Variants in P2RY10 observed in about 807,000 individuals in gnomAD.
P2RY10 encodes putative P2Y purinoceptor 10.
A neutral mutation model predicts 12.1 loss-of-function variants in P2RY10; 4 were observed. That is an observed-to-expected ratio of 0.33 (90% CI 0.16 to 0.76). P2RY10 has a LOEUF of 0.76. Ranked by LOEUF, P2RY10 falls within the 30% of genes least tolerant of loss-of-function variation. P2RY10 has a pLI of 0.61. For synonymous variants in P2RY10, 112 were observed against 94.1 expected (o/e 1.19, Z -1.10); for missense variants, 233 against 264.6 (o/e 0.88, Z 0.83).
chrX:78,951,967 C>T (rs1424002912), intron 2 of P2RY10, among the ~76,000 whole-genome samples: 1 of 111,574 alleles, frequency 9.0e-6, no homozygotes, highest in Non-Finnish European at 1.9e-5. Context: ...ACCATGTGTC[C>T]ATGTGTTCCC....
At chrX:78,954,375 C>T (rs1376027083) in intron 3 of P2RY10, among the ~76,000 whole-genome samples, 1 of 111,417 alleles carries the variant, frequency 9.0e-6, no homozygotes, top group Non-Finnish European at 1.9e-5. Flanking sequence ...CCATGTTATC[C>T]TATTCACCAG....
chrX:78,959,215 G>A (rs1385358991), intron 3 of P2RY10, among the ~76,000 whole-genome samples: 1 of 111,134 alleles, frequency 9.0e-6, no homozygotes, highest in African/African-American at 3.3e-5. Context: ...TGAGGAGAAG[G>A]GTGTGCATGG....
At chrX:78,952,123 A>C in intron 2 of P2RY10, 70 bp from the exon 3 acceptor site, 2 of 483,406 alleles carry the variant, frequency 4.1e-6, no homozygotes, top group Non-Finnish European at 5.1e-6. Flanking sequence ...TATAGTATTT[A>C]GAGACACACT....
chrX:78,960,219 G>T (rs1390123232), intron 3 of P2RY10, among the ~76,000 whole-genome samples: 1 of 112,020 alleles, frequency 8.9e-6, no homozygotes, highest in Non-Finnish European at 1.9e-5. Flanking sequence ...TTTTTGCTGT[G>T]GTCAGAATAA....
Position 78,961,108 on chromosome X carries a change from C to A in P2RY10, c.588C>A (p.Val196=). ...GYKQMNAVAL[V]GMITVAELAG... is the part of the protein sequence containing the mutation. ...AGCAAATGAATGCAGTTGCGTTGGT[C>A]GGGATGATTACAGTTGCTGAGCTTG... Residue 196 remains valine (V), a synonymous_variant, in exon 4 of 4, where the codon GTC becomes GTA. Coordinates refer to ENST00000171757, the MANE Select transcript of P2RY10 (RefSeq NM_014499.4). The A allele has an allele frequency of 1.7e-6, 2 of 1,210,706 alleles. No individual in the cohort carries two copies. Among genetic ancestry groups the A allele is most frequent in the Non-Finnish European group, 2.2e-6 (2 of 894,947 alleles).
chrX:78,956,187 G>C (rs1224947526), intron 3 of P2RY10, among the ~76,000 whole-genome samples: 1 of 111,629 alleles, frequency 9.0e-6, no homozygotes, highest in Admixed American at 9.5e-5. Flanking sequence ...GACTGTGCTA[G>C]TTTCTACCCA....
At position 78,947,799 on chromosome X, in the gene P2RY10, A is replaced by T; in HGVS notation, c.-205-16A>T. 1.6e-6 allele frequency: 1 copy of T among 621,231 alleles called. No homozygotes were observed. Among genetic ancestry groups the T allele is most frequent in the Non-Finnish European group, 1.9e-6 (1 of 517,501 alleles). 51.2% of individuals were successfully genotyped at this position (621,231 alleles called of 1,213,427 possible). ...AACTGAGTATCCTTTCCCAATTGCC[A>T]TTATATTTCTTTCAGGTAATGTTAT... On this transcript the variant is annotated splice_polypyrimidine_tract_variant and intron_variant, in intron 1 of 3. Coordinates refer to ENST00000171757, the MANE Select transcript of P2RY10 (RefSeq NM_014499.4).
chrX:78,949,390 A>G (rs1277256748), intron 2 of P2RY10, among the ~76,000 whole-genome samples: 1 of 112,087 alleles, frequency 8.9e-6, no homozygotes, highest in Admixed American at 9.5e-5. Flanking sequence ...TTAATGCTCA[A>G]AACAAATTAT....
At chrX:78,957,387 C>CACACAGAGAG (rs760263078) in intron 3 of P2RY10, among the ~76,000 whole-genome samples, 4 of 75,811 alleles carry the variant, frequency 5.3e-5, no homozygotes, top group Admixed American at 1.5e-4. Flanking sequence ...CACACACACA[C>CACACAGAGAG]AGAGAGAGAG....
At position 78,961,973 on chromosome X, in the gene P2RY10, G is replaced by GGTAA. The variant is rs1922648709; in HGVS notation, c.*434_*437dup. Reference sequence around the variant, plus strand: ...GTAAAAATGTCTAATCTTTCTAACAGGTAAATTTTTCTAACAGGCAAGACA... The same window carrying GGTAA: ...GTAAAAATGTCTAATCTTTCTAACAGGTAAGTAAATTTTTCTAACAGGCAAGACA... On this transcript the variant is annotated 3_prime_UTR_variant, in exon 4 of 4. Transcript: ENST00000171757. The GGTAA allele has an allele frequency of 8.1e-6, 1 of 123,441 alleles. No homozygotes were observed. The highest frequency in any genetic ancestry group is 1.8e-5 in the Non-Finnish European group (1 of 54,835). The allele number at this position is 123,441 out of a possible 1,213,427, so 10.2% of individuals were successfully genotyped here.
intron 2 of P2RY10, among the ~76,000 whole-genome samples, chrX:78,951,678 T>C (rs1282688602): frequency 8.9e-6 from 1 of 111,843 alleles, no homozygotes; most frequent in African/African-American, 3.2e-5. Flanking sequence ...GGAGTTTTAG[T>C]CATAACTTTG....
At chrX:78,946,982 G>A (rs1023299373) in intron 1 of P2RY10, among the ~76,000 whole-genome samples, 2 of 111,771 alleles carry the variant, frequency 1.8e-5, no homozygotes, top group African/African-American at 3.3e-5. Context: ...GGGAGGCCGA[G>A]ACAGGTGGAT....
rs998922026 is a variant in P2RY10 at position 78,962,458 on chromosome X, C to T, written c.*918C>T. 1.8e-5 allele frequency among the ~76,000 whole-genome samples: 2 copies of T among 111,907 alleles called. No homozygotes were observed. The highest frequency in any genetic ancestry group is 3.8e-5 in the Non-Finnish European group (2 of 53,168). On this transcript the variant is annotated 3_prime_UTR_variant, in exon 4 of 4. Transcript: ENST00000171757. ...ACACCATATATGCTTATGTTATTCC[C>T]TTGCTTTTGTTGTTACATTTATTAG...
At position 78,961,163 on chromosome X, in the gene P2RY10, G is replaced by A. The variant is rs866573696; in HGVS notation, c.643G>A (p.Ala215Thr). The A allele has an allele frequency of 2.5e-6, 3 of 1,208,933 alleles. No individual in the cohort carries two copies. The highest frequency in any genetic ancestry group is 3.0e-5 in the East Asian group (1 of 33,752). ...ATTTGTGATCCCAGTGATCATCATCGCATGGTGTACCTGGAAAACTACTAT... is the reference window on the plus strand; with the variant it reads ...ATTTGTGATCCCAGTGATCATCATCACATGGTGTACCTGGAAAACTACTAT... ...AGFVIPVIII[A>T]WCTWKTTISL... is the part of the protein sequence containing the mutation. The change falls in exon 4 of 4, where the codon GCA becomes ACA. Residue 215 changes from alanine (A) to threonine (T), a missense_variant. Ala to Thr is a moderately conservative substitution (Grantham distance 58). Transcript: ENST00000171757.
chrX:78,957,044 G>A (rs1922365414), intron 3 of P2RY10, among the ~76,000 whole-genome samples: 1 of 110,425 alleles, frequency 9.1e-6, no homozygotes, highest in Non-Finnish European at 1.9e-5. Flanking sequence ...GGTGGAGATA[G>A]GTTAGAGAGG....
chrX:78,961,313 T>G lies in P2RY10; in HGVS notation c.793T>G (p.Phe265Val), dbSNP rs1569246143. Residue 265 changes from phenylalanine to valine, a missense_variant, in exon 4 of 4, where the codon TTT (phenylalanine) becomes GTT (valine). Physicochemically the swap from Phe to Val is conservative, Grantham distance 50. Transcript: ENST00000171757. ...CFTPYHINFI[F>V]YTMVKETIIS... ...CACTCCCTATCATATTAACTTTATT[T>G]TTTACACCATGGTAAAGGAAACCAT... 1 of 1,210,002 alleles carries G rather than the reference T, an allele frequency of 8.3e-7. No individual in the cohort carries two copies. Among genetic ancestry groups the G allele is most frequent in the Non-Finnish European group, 1.1e-6 (1 of 894,101 alleles).
At chrX:78,957,385 C>CAG (rs1281912666) in intron 3 of P2RY10, among the ~76,000 whole-genome samples, 42 of 81,912 alleles carry the variant, frequency 5.1e-4, no homozygotes, top group African/African-American at 1.4e-3. Flanking sequence ...CACACACACA[C>CAG]ACAGAGAGAG....
chrX:78,950,614 T>C (rs1301217360), intron 2 of P2RY10, among the ~76,000 whole-genome samples: 3 of 111,630 alleles, frequency 2.7e-5, no homozygotes, highest in Non-Finnish European at 5.6e-5. Flanking sequence ...ATAAAGAACG[T>C]TGGTTTTGAT....
chrX:78,959,282 T>A (rs184857701), intron 3 of P2RY10, among the ~76,000 whole-genome samples: 1 of 111,332 alleles, frequency 9.0e-6, no homozygotes, highest in East Asian at 2.8e-4. Flanking sequence ...AATAGCTGTG[T>A]GGCCATAATA....
Sources: gnomAD v4.1 joint callset for allele counts (sites outside exome capture counted in the v4.1 genomes callset) on GRCh38, gnomAD v4.1.1 for gene constraint, MANE v1.5 for transcripts, NCBI Gene and HGNC (gene_info 2026-07-23, HGNC 2026-07-21) for gene names.